ASCC3: variants seen among roughly 807,000 people sequenced by gnomAD.
ASCC3 encodes activating signal cointegrator 1 complex subunit 3, also known as ASC-1 complex subunit P200.
In ASCC3, 158 loss-of-function variants were observed where a neutral mutation model predicts 256.3. The observed-to-expected ratio is 0.62, with a 90% CI of 0.54 to 0.70. ASCC3 has a LOEUF of 0.70. Among genes scored for constraint, ASCC3 ranks in the 30% least tolerant of loss-of-function variants. ASCC3 has a pLI of 0.00. For synonymous variants in ASCC3, 948 were observed against 883.4 expected (o/e 1.07, Z -1.30); for missense variants, 2,259 against 2,626.0 (o/e 0.86, Z 3.05).
chr6:100,623,823 A>G (rs989960418), intron 30 of ASCC3, among the ~76,000 whole-genome samples: 1 of 152,140 alleles, frequency 6.6e-6, no homozygotes, highest in Admixed American at 6.6e-5. Flanking sequence ...ATAAAGGATC[A>G]TACTAACAAA....
rs764327647 is a variant in ASCC3 at position 100,661,961 on chromosome 6, A to G, written c.2548T>C (p.Phe850Leu). The G allele has an allele frequency of 6.2e-7, 1 of 1,613,392 alleles. No homozygotes were observed. The highest frequency in any genetic ancestry group is 1.1e-5 in the South Asian group (1 of 91,070). ...DLGILDVMQI[F>L]GRAGRPQFDK... Reference sequence around the variant, plus strand: ...AATTGTGGTCGTCCAGCTCGACCAAATATCTGCATGACATCTAAAATTCCA... The same window carrying G: ...AATTGTGGTCGTCCAGCTCGACCAAGTATCTGCATGACATCTAAAATTCCA... Residue 850 changes from phenylalanine to leucine, a missense_variant, in exon 16 of 42, where the codon TTT becomes CTT. By Grantham distance (22) the Phe-to-Leu change is conservative. Around this residue, in one of 2 missense-constraint regions of ASCC3, gnomAD observed 1,839 missense variants for 2,206.7 expected, o/e 0.83. Coordinates refer to ENST00000369162, the MANE Select transcript of ASCC3 (RefSeq NM_006828.4).
intron 38 of ASCC3, among the ~76,000 whole-genome samples, chr6:100,517,198 G>A (rs1171777400): frequency 6.6e-6 from 1 of 152,034 alleles, no homozygotes; most frequent in Non-Finnish European, 1.5e-5. Context: ...ACTTTCCTGA[G>A]GAGACTTGCT....
intron 4 of ASCC3, among the ~76,000 whole-genome samples, chr6:100,840,738 T>C (rs983554260): frequency 2.0e-5 from 3 of 151,884 alleles, no homozygotes; most frequent in African/African-American, 7.2e-5. Flanking sequence ...TTTAAGTGTT[T>C]TTATTTTAAA....
At chr6:100,554,094 T>C (rs1327555064) in intron 36 of ASCC3, among the ~76,000 whole-genome samples, 2 of 152,178 alleles carry the variant, frequency 1.3e-5, no homozygotes, top group African/African-American at 2.4e-5. Context: ...ATGTAAATCT[T>C]ACATGTACTG....
rs377614944 is a variant in ASCC3 at position 100,608,449 on chromosome 6, TTA to T, written c.4786-1363_4786-1362del. Reference sequence around the variant, plus strand: ...TTTATATATATACTTTATATATATTTTATATATATATACTTTATATATATATA... The same window carrying T: ...TTTATATATATACTTTATATATATTTTATATATATACTTTATATATATATA... On this transcript the variant is annotated intron_variant, in intron 30 of 41. Coordinates refer to ENST00000369162, the MANE Select transcript of ASCC3 (RefSeq NM_006828.4). 4.6e-3 allele frequency among the ~76,000 whole-genome samples: 165 copies of T among 36,082 alleles called. 40 individuals carry two copies. Among genetic ancestry groups the T allele is most frequent in the Non-Finnish European group, 4.7e-3 (107 of 22,710 alleles). 23.7% of individuals were successfully genotyped at this position (36,082 alleles called of 152,430 possible).
intron 14 of ASCC3, among the ~76,000 whole-genome samples, chr6:100,676,111 C>A (rs966275484): frequency 6.6e-6 from 1 of 151,934 alleles, no homozygotes; most frequent in Non-Finnish European, 1.5e-5. Flanking sequence ...GGAGAGTATA[C>A]AAGTATTAAA....
Position 100,517,349 on chromosome 6 carries a change from A to G in ASCC3, c.5927+642T>C, listed in dbSNP as rs567432746. 7.2e-5 allele frequency among the ~76,000 whole-genome samples: 11 copies of G among 152,208 alleles called. No individual in the cohort carries two copies. The South Asian group carries it at 2.3e-3, about 32-fold the overall frequency. On this transcript the variant is annotated intron_variant, in intron 38 of 41. Coordinates refer to ENST00000369162, the MANE Select transcript of ASCC3 (RefSeq NM_006828.4). ...TGCTTGTCTACATGACTGTGAACCA[A>G]TATTTTGGCTGCAAAGTATCTCTTA...
chr6:100,730,844 T>C (rs1311663728), intron 10 of ASCC3, among the ~76,000 whole-genome samples: 1 of 152,038 alleles, frequency 6.6e-6, no homozygotes, highest in Non-Finnish European at 1.5e-5. Flanking sequence ...TGTTCCCTTC[T>C]CTCCCATCAA....
chr6:100,780,715 A>G (rs539042622), intron 8 of ASCC3, among the ~76,000 whole-genome samples: 1 of 152,232 alleles, frequency 6.6e-6, no homozygotes, highest in Non-Finnish European at 1.5e-5. Context: ...CATAAAAACA[A>G]GGAAACAAGT....
rs58924032 is a variant in ASCC3, at chr6:100,723,860, TTATATATATATATATATATATA to T, written c.1902+1657_1902+1678del. Among the ~76,000 whole-genome samples, 7 of 110,230 alleles carry T rather than the reference TTATATATATATATATATATATA, an allele frequency of 6.4e-5. No individual in the cohort carries two copies. The East Asian group carries it at 1.4e-3, about 22-fold the overall frequency. The allele number at this position is 110,230 out of a possible 152,430, so 72.3% of individuals were successfully genotyped here. A position where few individuals can be genotyped will look rare whatever the true frequency, so the allele number is the denominator to read the frequency against. On this transcript the variant is annotated intron_variant, in intron 11 of 41. Coordinates refer to ENST00000369162, the MANE Select transcript of ASCC3 (RefSeq NM_006828.4). Reference sequence around the variant, plus strand: ...GATATGGCCAGAAGTTATTAGGGAATTATATATATATATATATATATATATATATATATATATTTATAATTAT... The same window carrying T: ...GATATGGCCAGAAGTTATTAGGGAATTATATATATATATATTTATAATTAT...
At chr6:100,880,931 G>A (rs1311305136) in intron 1 of ASCC3, 130 bp downstream of exon 1, 3 of 152,350 alleles carry the variant, frequency 2.0e-5, no homozygotes, top group African/African-American at 4.8e-5. Flanking sequence ...GACAGGTCGG[G>A]ACTTGCCCCG....
Position 100,509,169 on chromosome 6 carries a change from T to G in ASCC3, c.*217A>C. The G allele has an allele frequency of 1.7e-6, 1 of 581,136 alleles. No individual in the cohort carries two copies. The highest frequency in any genetic ancestry group is 3.0e-5 in the East Asian group (1 of 33,338). The allele number at this position is 581,136 out of a possible 1,614,324, so 36.0% of individuals were successfully genotyped here. A position where few individuals can be genotyped will look rare whatever the true frequency, so the allele number is the denominator to read the frequency against. On this transcript the variant is annotated 3_prime_UTR_variant, in exon 42 of 42. Coordinates refer to ENST00000369162, the MANE Select transcript of ASCC3 (RefSeq NM_006828.4). ...TTTTTCATCTTACATATCAAGAAACTCATAAAGATAACATTATAAAAGGCA... is the reference window on the plus strand; with the variant it reads ...TTTTTCATCTTACATATCAAGAAACGCATAAAGATAACATTATAAAAGGCA...
intron 36 of ASCC3, among the ~76,000 whole-genome samples, chr6:100,567,093 G>C (rs988723869): frequency 6.6e-6 from 1 of 151,558 alleles, no homozygotes; most frequent in African/African-American, 2.4e-5. Flanking sequence ...AATTAAAATA[G>C]CTTTTAAATT....
intron 13 of ASCC3, among the ~76,000 whole-genome samples, chr6:100,707,094 C>T (rs1466635345): frequency 6.6e-6 from 1 of 152,014 alleles, no homozygotes; most frequent in African/African-American, 2.4e-5. Flanking sequence ...CAAGACAATG[C>T]ATCAAAATCA....
At chr6:100,729,104 C>A (rs530449312) in intron 10 of ASCC3, among the ~76,000 whole-genome samples, 1 of 152,058 alleles carries the variant, frequency 6.6e-6, no homozygotes, top group Non-Finnish European at 1.5e-5. Context: ...GATGTCTGAA[C>A]AATCTCACTG....
intron 36 of ASCC3, among the ~76,000 whole-genome samples, chr6:100,573,236 G>A (rs1443650402): frequency 6.6e-6 from 1 of 151,988 alleles, no homozygotes; most frequent in East Asian, 1.9e-4. Context: ...ATAAAAAGTA[G>A]GATAATATGA....
At chr6:100,878,728 C>T (rs559609171) in intron 1 of ASCC3, among the ~76,000 whole-genome samples, 1 of 152,328 alleles carries the variant, frequency 6.6e-6, no homozygotes, top group African/African-American at 2.4e-5. Context: ...TTTACGCCTG[C>T]CCTCTTGTGA....
At chr6:100,529,186 G>A (rs1010257285) in intron 37 of ASCC3, among the ~76,000 whole-genome samples, 6 of 151,836 alleles carry the variant, frequency 4.0e-5, no homozygotes, top group Admixed American at 1.3e-4. Flanking sequence ...GTAAACCTAC[G>A]CAGAAATTAT....
At chr6:100,663,864 G>A (rs1776344835) in intron 14 of ASCC3, among the ~76,000 whole-genome samples, 1 of 152,050 alleles carries the variant, frequency 6.6e-6, no homozygotes, top group South Asian at 2.1e-4. Context: ...GCACTTAATT[G>A]ACACCAATCA....
Sources: gnomAD v4.1 joint callset for allele counts (sites outside exome capture counted in the v4.1 genomes callset) on GRCh38, gnomAD v4.1.1 for gene constraint, gnomAD v4.1.1 regional missense constraint, MANE v1.5 for transcripts, NCBI Gene and HGNC (gene_info 2026-07-23, HGNC 2026-07-21) for gene names.